NDUFAF2: variants seen among roughly 807,000 people sequenced by gnomAD.
The protein encoded by NDUFAF2 is NADH:ubiquinone oxidoreductase complex assembly factor 2.
In NDUFAF2, 13 loss-of-function variants were observed where a neutral mutation model predicts 22.8. The observed-to-expected ratio is 0.57, with a 90% CI of 0.37 to 0.91. The LOEUF is 0.91. Ranked by LOEUF, NDUFAF2 falls within the 40% of genes least tolerant of loss-of-function variation. The probability of loss-of-function intolerance (pLI) is 0.01; values close to 1 mark genes in which losing one functional copy is unlikely to be tolerated. For missense variants in NDUFAF2, 162 were observed against 195.2 expected, an observed-to-expected ratio of 0.83 and a Z score of 1.01; for synonymous variants, 53 against 64.2, an observed-to-expected ratio of 0.83 and a Z score of 0.84.
chr5:61,151,336 CTTTTT>C (rs796373419), intron 3 of NDUFAF2, among the ~76,000 whole-genome samples: 3 of 145,512 alleles, frequency 2.1e-5, no homozygotes, highest in Admixed American at 1.4e-4. Context: ...CTTGACAGAA[CTTTTT>C]TTTTTTTGGT....
At chr5:61,048,032 G>A (rs941833241) in intron 1 of NDUFAF2, among the ~76,000 whole-genome samples, 9 of 152,040 alleles carry the variant, frequency 5.9e-5, no homozygotes, top group Non-Finnish European at 8.8e-5. Context: ...GTTTCTTTTC[G>A]CATTTCCCTC....
At chr5:61,130,301 C>G (rs1267432057) in intron 3 of NDUFAF2, among the ~76,000 whole-genome samples, 1 of 152,082 alleles carries the variant, frequency 6.6e-6, no homozygotes, top group Non-Finnish European at 1.5e-5. Context: ...AAGTTCCCAA[C>G]TTTTGGGGTG....
chr5:60,956,946 A>G (rs1267795300), intron 1 of NDUFAF2, among the ~76,000 whole-genome samples: 2 of 111,010 alleles, frequency 1.8e-5, no homozygotes, highest in South Asian at 3.3e-4. Context: ...CCAGATCAAA[A>G]GAGGTATTAA....
At chr5:61,046,163 C>T (rs1315820096) in intron 1 of NDUFAF2, among the ~76,000 whole-genome samples, 1 of 152,054 alleles carries the variant, frequency 6.6e-6, no homozygotes, top group African/African-American at 2.4e-5. Context: ...TGGGATAAAT[C>T]TCAACTTGAT....
chr5:60,962,629 G>T (rs1218386557), intron 1 of NDUFAF2, among the ~76,000 whole-genome samples: 1 of 151,902 alleles, frequency 6.6e-6, no homozygotes, highest in Non-Finnish European at 1.5e-5. Flanking sequence ...TCAGGAGATC[G>T]AGACCATCCT....
In NDUFAF2 at chr5:61,152,949, T is replaced by G; in HGVS notation, c.504T>G (p.Asn168Lys). The change falls in exon 4 of 4, where the codon AAT becomes AAG. Residue 168 changes from asparagine to lysine, a missense_variant. Asn to Lys is a moderately conservative substitution (Grantham distance 94, BLOSUM62 0). This residue lies in a region of NDUFAF2 where 68 missense variants were observed against 110.0 expected (regional missense o/e 0.62). Coordinates refer to ENST00000296597, the MANE Select transcript of NDUFAF2 (RefSeq NM_174889.5). ...SWMPRDGKSHNQ is the reference protein window; with the variant it reads ...SWMPRDGKSHKQ ...TGCCACGAGATGGCAAGAGCCACAA[T>G]CAATGAATGCATTATGGTCAAATCT... 6 of 1,613,918 alleles carry G rather than the reference T, an allele frequency of 3.7e-6. No individual in the cohort carries two copies. Among genetic ancestry groups the G allele is most frequent in the Non-Finnish European group, 5.1e-6 (6 of 1,179,856 alleles).
At chr5:61,003,544 C>G (rs1751326046) in intron 1 of NDUFAF2, among the ~76,000 whole-genome samples, 1 of 151,534 alleles carries the variant, frequency 6.6e-6, no homozygotes, top group African/African-American at 2.4e-5. Flanking sequence ...TTATGGCAGT[C>G]CCCTATGTGA....
intron 1 of NDUFAF2, among the ~76,000 whole-genome samples, chr5:60,994,055 G>C (rs1751196598): frequency 6.6e-6 from 1 of 152,186 alleles, no homozygotes. Context: ...AGTCCCCCAC[G>C]GCTTCCCTCC....
rs1002141690 is a variant in NDUFAF2 at position 61,106,152 on chromosome 5, AGATACTAAAATCATT to A, written c.258+7123_258+7137del. On this transcript the variant is annotated intron_variant, in intron 3 of 3. Coordinates refer to ENST00000296597, the MANE Select transcript of NDUFAF2 (RefSeq NM_174889.5). ...TGATAATTGGGAAAAAATTACCAGCAGATACTAAAATCATTGAGTCAAACTCTGTTGGGGAGCAGG... is the reference window on the plus strand; with the variant it reads ...TGATAATTGGGAAAAAATTACCAGCAGAGTCAAACTCTGTTGGGGAGCAGG... Among the ~76,000 whole-genome samples, 84 of 151,622 alleles carry A rather than the reference AGATACTAAAATCATT, an allele frequency of 5.5e-4. 1 individual carries two copies. Among genetic ancestry groups the A allele is most frequent in the Non-Finnish European group, 9.1e-4 (62 of 68,006 alleles).
At chr5:61,040,313 G>A (rs1554080888) in intron 1 of NDUFAF2, among the ~76,000 whole-genome samples, 1 of 146,402 alleles carries the variant, frequency 6.8e-6, no homozygotes, top group Non-Finnish European at 1.5e-5. Flanking sequence ...AAAGTTGAAA[G>A]CAGAGATTGG....
chr5:61,102,852 G>T (rs1244053393), intron 3 of NDUFAF2, among the ~76,000 whole-genome samples: 1 of 151,872 alleles, frequency 6.6e-6, no homozygotes, highest in African/African-American at 2.4e-5. Context: ...TGTAAGACAC[G>T]TTTTAAGTAT....
At chr5:61,087,145 C>T (rs181896561) in intron 2 of NDUFAF2, among the ~76,000 whole-genome samples, 145 of 151,978 alleles carry the variant, frequency 9.5e-4, no homozygotes, top group Non-Finnish European at 1.5e-3. Context: ...TATTAGTGCC[C>T]GTAGGAGAAG....
chr5:61,078,179 C>T (rs961448130), intron 2 of NDUFAF2, among the ~76,000 whole-genome samples: 1 of 152,080 alleles, frequency 6.6e-6, no homozygotes, highest in African/African-American at 2.4e-5. Context: ...TCCTTGTTTA[C>T]TTATCTGCAT....
At chr5:61,050,619 A>G (rs1474930563) in intron 1 of NDUFAF2, 2 of 152,182 alleles carry the variant, frequency 1.3e-5, no homozygotes, top group Non-Finnish European at 2.9e-5. Flanking sequence ...GACTAGAACT[A>G]CTGACTTGGT....
chr5:60,964,958 G>T (rs1463290667), intron 1 of NDUFAF2, among the ~76,000 whole-genome samples: 1 of 151,996 alleles, frequency 6.6e-6, no homozygotes, highest in Non-Finnish European at 1.5e-5. Context: ...CCTTTGTCAC[G>T]TATTTTCTGT....
In NDUFAF2 at chr5:61,098,879, T is replaced by A. The variant is rs80113651; in HGVS notation, c.218-113T>A. 0.11 allele frequency: 72,120 copies of A among 650,666 alleles called. 4,560 individuals carry two copies. Among genetic ancestry groups the A allele is most frequent in the African/African-American group, 0.2 (11,034 of 54,888 alleles). The allele number at this position is 650,666 out of a possible 1,614,324, so 40.3% of individuals were successfully genotyped here. ...TTAATCTGTTTTATTCCCTGCTGTA[T>A]CTCCAGTACCTAAAATAATATGGAG... On this transcript the variant is annotated intron_variant, in intron 2 of 3. Coordinates refer to ENST00000296597, the MANE Select transcript of NDUFAF2 (RefSeq NM_174889.5).
At chr5:61,042,333 G>GA (rs1751894069) in intron 1 of NDUFAF2, among the ~76,000 whole-genome samples, 1 of 151,956 alleles carries the variant, frequency 6.6e-6, no homozygotes, top group South Asian at 2.1e-4. Flanking sequence ...GTATTAATAT[G>GA]AAAAAATCTT....
chr5:61,120,163 A>G (rs1752959137), intron 3 of NDUFAF2, among the ~76,000 whole-genome samples: 1 of 152,184 alleles, frequency 6.6e-6, no homozygotes. Flanking sequence ...TTCTCTATGT[A>G]CCTTCTTTGA....
intron 3 of NDUFAF2, among the ~76,000 whole-genome samples, chr5:61,133,269 A>G (rs191652747): frequency 4.6e-5 from 7 of 152,126 alleles, no homozygotes; most frequent in Non-Finnish European, 7.4e-5. Context: ...TTCTTTGGGG[A>G]AAAAAAAGTG....
Sources: gnomAD v4.1 joint callset for allele counts (sites outside exome capture counted in the v4.1 genomes callset) on GRCh38, gnomAD v4.1.1 for gene constraint, gnomAD v4.1.1 regional missense constraint, MANE v1.5 for transcripts, NCBI Gene and HGNC (gene_info 2026-07-23, HGNC 2026-07-21) for gene names.